Variants in SLC10A7 observed in about 807,000 individuals in gnomAD.
SLC10A7 encodes sodium/bile acid cotransporter 7.
Under a neutral mutation model 43.2 loss-of-function variants are expected in SLC10A7, and 29 were observed. The ratio of observed to expected loss-of-function variants is 0.67; its 90% CI spans 0.50 to 0.92. SLC10A7 has a LOEUF of 0.92. SLC10A7 is among the 40% of genes least tolerant of loss of function. The pLI, the probability that SLC10A7 is intolerant of heterozygous loss-of-function variation, is 0.00. For missense variants in SLC10A7, 295 were observed against 403.2 expected, an observed-to-expected ratio of 0.73 and a Z score of 2.30; for synonymous variants, 152 against 144.8, an observed-to-expected ratio of 1.05 and a Z score of -0.35.
chr4:146,519,114 A>ATAT (rs1738354865), intron 1 of SLC10A7, among the ~76,000 whole-genome samples: 4 of 110,386 alleles, frequency 3.6e-5, no homozygotes, highest in Non-Finnish European at 7.5e-5. Context: ...TATATATATA[A>ATAT]TATAATATAT....
chr4:146,391,729 C>G (rs1033121624), intron 5 of SLC10A7, among the ~76,000 whole-genome samples: 5 of 152,154 alleles, frequency 3.3e-5, no homozygotes, highest in African/African-American at 1.2e-4. Flanking sequence ...GAAGTAGGTG[C>G]AATTAGAGCA....
chr4:146,415,067 A>T (rs2679159), intron 5 of SLC10A7, among the ~76,000 whole-genome samples: 40,727 of 152,114 alleles, frequency 0.27, 6,326 homozygotes, highest in African/African-American at 0.43. Context: ...TATGAAGAGA[A>T]AAACAGAAGA....
At chr4:146,269,086 C>G (rs1728741324) in intron 10 of SLC10A7, among the ~76,000 whole-genome samples, 1 of 152,172 alleles carries the variant, frequency 6.6e-6, no homozygotes, top group Non-Finnish European at 1.5e-5. Flanking sequence ...CAGGCTGTAA[C>G]CCCATCACTT....
chr4:146,296,884 C>T (rs1427140436), intron 7 of SLC10A7, among the ~76,000 whole-genome samples: 1 of 152,108 alleles, frequency 6.6e-6, no homozygotes, highest in Non-Finnish European at 1.5e-5. Flanking sequence ...CTTAGTTTAG[C>T]CACTTACACT....
chr4:146,447,956 C>T (rs1214426849), intron 4 of SLC10A7, among the ~76,000 whole-genome samples: 1 of 150,886 alleles, frequency 6.6e-6, no homozygotes, highest in Non-Finnish European at 1.5e-5. Context: ...TCTCAGCAAA[C>T]TATCGCAAGG....
chr4:146,284,643 A>G (rs1448860669), intron 9 of SLC10A7, among the ~76,000 whole-genome samples: 10 of 152,188 alleles, frequency 6.6e-5, no homozygotes, highest in Non-Finnish European at 1.5e-4. Context: ...TCAGTTGAGG[A>G]TTCCCCATGG....
At chr4:146,355,438 G>T (rs1430143453) in intron 5 of SLC10A7, among the ~76,000 whole-genome samples, 1 of 152,110 alleles carries the variant, frequency 6.6e-6, no homozygotes, top group Non-Finnish European at 1.5e-5. Flanking sequence ...TACACTGTTG[G>T]TGGGACTGTA....
intron 6 of SLC10A7, among the ~76,000 whole-genome samples, chr4:146,324,163 G>A (rs1435441093): frequency 3.3e-5 from 5 of 152,120 alleles, no homozygotes; most frequent in South Asian, 2.1e-4. Context: ...ACTGCTCAAC[G>A]AAATAAAAGA....
At chr4:146,391,563 G>C (rs1283394001) in intron 5 of SLC10A7, among the ~76,000 whole-genome samples, 2 of 152,238 alleles carry the variant, frequency 1.3e-5, no homozygotes, top group Non-Finnish European at 2.9e-5. Flanking sequence ...CAAGTCTGTA[G>C]AGCTGGATTT....
At chr4:146,330,264 T>C (rs1363479165) in intron 5 of SLC10A7, among the ~76,000 whole-genome samples, 1 of 152,178 alleles carries the variant, frequency 6.6e-6, no homozygotes, top group Non-Finnish European at 1.5e-5. Flanking sequence ...GTGAATGTGC[T>C]TCTCTCAGCA....
chr4:146,386,555 A>T (rs1035874307), intron 5 of SLC10A7, among the ~76,000 whole-genome samples: 3 of 152,144 alleles, frequency 2.0e-5, no homozygotes, highest in Non-Finnish European at 4.4e-5. Context: ...ATGTATTCAC[A>T]TATTCTCTGT....
At chr4:146,389,793 C>T (rs552213146) in intron 5 of SLC10A7, among the ~76,000 whole-genome samples, 1 of 152,312 alleles carries the variant, frequency 6.6e-6, no homozygotes, top group Admixed American at 6.5e-5. Context: ...GGCCTTCTGG[C>T]TATGAAACCT....
intron 4 of SLC10A7, among the ~76,000 whole-genome samples, chr4:146,465,135 T>G (rs1732898894): frequency 6.6e-6 from 1 of 152,164 alleles, no homozygotes; most frequent in Non-Finnish European, 1.5e-5. Flanking sequence ...ACAGCCACTG[T>G]GCGTAATTAA....
At chr4:146,278,939 T>C (rs889549519) in intron 10 of SLC10A7, among the ~76,000 whole-genome samples, 11 of 152,196 alleles carry the variant, frequency 7.2e-5, no homozygotes, top group African/African-American at 2.7e-4. Context: ...AGTTCAGCTG[T>C]GTAACTGCAA....
chr4:146,462,114 T>G (rs1279673263), intron 4 of SLC10A7, among the ~76,000 whole-genome samples: 2 of 152,072 alleles, frequency 1.3e-5, no homozygotes, highest in African/African-American at 4.8e-5. Context: ...TTTCAATAAT[T>G]GCTATAAAAT....
At chr4:146,475,833 A>G (rs1246651117) in intron 4 of SLC10A7, among the ~76,000 whole-genome samples, 1 of 152,258 alleles carries the variant, frequency 6.6e-6, no homozygotes, top group Non-Finnish European at 1.5e-5. Context: ...ATTAAGAGAA[A>G]TTAAACCGCA....
chr4:146,454,869 T>C (rs1373121662), intron 4 of SLC10A7, among the ~76,000 whole-genome samples: 1 of 151,858 alleles, frequency 6.6e-6, no homozygotes, highest in Non-Finnish European at 1.5e-5. Flanking sequence ...AACACTTAAA[T>C]TGAAAATACT....
intron 1 of SLC10A7, among the ~76,000 whole-genome samples, chr4:146,519,933 T>C (rs1738460838): frequency 6.6e-6 from 1 of 152,204 alleles, no homozygotes; most frequent in African/African-American, 2.4e-5. Context: ...ATGGCATTTC[T>C]ATGATACAAT....
At chr4:146,310,146 T>C (rs773666958) in intron 6 of SLC10A7, among the ~76,000 whole-genome samples, 48 of 152,154 alleles carry the variant, frequency 3.2e-4, no homozygotes, top group Non-Finnish European at 1.6e-4. Context: ...GCAAAGGACA[T>C]GATTTTGTTC....
Sources: gnomAD v4.1 joint callset for allele counts (sites outside exome capture counted in the v4.1 genomes callset) on GRCh38, gnomAD v4.1.1 for gene constraint, MANE v1.5 for transcripts, NCBI Gene and HGNC (gene_info 2026-07-23, HGNC 2026-07-21) for gene names.